Variants in DNAH8 observed in about 807,000 individuals in gnomAD.
DNAH8 encodes dynein axonemal heavy chain 8.
A neutral mutation model predicts 562.1 loss-of-function variants in DNAH8; 382 were observed. The observed-to-expected ratio is 0.68, with a 90% CI of 0.63 to 0.74. The LOEUF (loss-of-function observed/expected upper bound fraction) is 0.74, where lower values mean the gene tolerates loss of function less well. Ranked by LOEUF, DNAH8 falls within the 30% of genes least tolerant of loss-of-function variation. The pLI is 0.00. For missense variants in DNAH8, 5,203 were observed against 5,620.4 expected (o/e 0.93, Z 2.37); for synonymous variants, 1,881 against 1,919.4 (o/e 0.98, Z 0.52).
chr6:38,961,596 A>C (rs1203170368), intron 82 of DNAH8, among the ~76,000 whole-genome samples: 1 of 152,084 alleles, frequency 6.6e-6, no homozygotes, highest in Non-Finnish European at 1.5e-5. Context: ...ACTTCTCCTT[A>C]AGCTATCATA....
At chr6:38,855,779 A>G (rs1419151146) in intron 41 of DNAH8, among the ~76,000 whole-genome samples, 1 of 152,160 alleles carries the variant, frequency 6.6e-6, no homozygotes, top group East Asian at 1.9e-4. Flanking sequence ...TTCATGGGCT[A>G]TTAGAAACTG....
At chr6:38,759,185 G>A (rs925640325) in intron 10 of DNAH8, among the ~76,000 whole-genome samples, 1 of 152,082 alleles carries the variant, frequency 6.6e-6, no homozygotes, top group Admixed American at 6.6e-5. Context: ...GTGTGTGCCT[G>A]TAGTCCTAGC....
chr6:38,886,721 C>G (rs1778952448), intron 56 of DNAH8, 70 bp from the exon 57 acceptor site: 3 of 1,173,236 alleles, frequency 2.6e-6, no homozygotes, highest in Admixed American at 3.4e-5. Context: ...CTCATTTGTA[C>G]TATTTTATTG....
rs1764216876 is a variant in DNAH8 at position 38,737,832 on chromosome 6, A to G, written c.976A>G (p.Thr326Ala). ...AGGTGCTAGAATAAGTATTGAGGGAACAGTGAAGTTAAAGACAATAGACAA... is the reference window on the plus strand; with the variant it reads ...AGGTGCTAGAATAAGTATTGAGGGAGCAGTGAAGTTAAAGACAATAGACAA... ...LDGARISIEG[T>A]VKLKTIDNVN... The change falls in exon 7 of 93, where the codon ACA (threonine) becomes GCA (alanine). Residue 326 changes from threonine to alanine, a missense_variant. By Grantham distance (58) the Thr-to-Ala change is moderately conservative. Coordinates refer to ENST00000327475, the MANE Select transcript of DNAH8 (RefSeq NM_001206927.2). 4.5e-6 allele frequency: 7 copies of G among 1,557,516 alleles called. No homozygotes were observed. The highest frequency in any genetic ancestry group is 2.4e-5 in the South Asian group (2 of 81,788).
At chr6:38,835,877 G>T (rs1395587732) in intron 32 of DNAH8, among the ~76,000 whole-genome samples, 1 of 149,114 alleles carries the variant, frequency 6.7e-6, no homozygotes, top group Non-Finnish European at 1.5e-5. Context: ...AAAATAGTTG[G>T]TTTTTTAAAG....
intron 31 of DNAH8, 22 bp from the exon 32 acceptor site, chr6:38,834,557 G>A: frequency 1.3e-6 from 2 of 1,494,596 alleles, no homozygotes; most frequent in Non-Finnish European, 1.8e-6. Context: ...AATGAAAATG[G>A]AGATTATATT....
chr6:38,798,333 A>G (rs927230219), intron 21 of DNAH8, among the ~76,000 whole-genome samples: 4 of 152,224 alleles, frequency 2.6e-5, no homozygotes, highest in African/African-American at 7.2e-5. Context: ...TTAAAAATCA[A>G]TATAACTGTC....
intron 21 of DNAH8, among the ~76,000 whole-genome samples, chr6:38,796,931 C>T (rs919003538): frequency 2.6e-5 from 4 of 152,162 alleles, no homozygotes; most frequent in African/African-American, 9.7e-5. Context: ...ATTAAATTCT[C>T]TAATTTTATT....
At chr6:38,925,286 ATTATTTTATTTTATTTTATTTTATT>A (rs72056166) in intron 73 of DNAH8, among the ~76,000 whole-genome samples, 10,299 of 129,958 alleles carry the variant, frequency 0.079, 482 homozygotes, top group African/African-American at 0.12. Context: ...TGGATCTCTG[ATTATTTTATTTTATTTTATTTTATT>A]TTATTTTATT....
intron 24 of DNAH8, among the ~76,000 whole-genome samples, chr6:38,808,376 A>C (rs1374229155): frequency 1.3e-5 from 2 of 152,186 alleles, no homozygotes; most frequent in South Asian, 2.1e-4. Flanking sequence ...TCTTGCCAAC[A>C]TACAGGGTGT....
intron 53 of DNAH8, 110 bp downstream of exon 53, chr6:38,875,938 A>G (rs1777960704): frequency 1.4e-6 from 1 of 711,846 alleles, no homozygotes; most frequent in South Asian, 2.0e-5. Flanking sequence ...TGAAAACATA[A>G]TTGTTAATAC....
At chr6:38,930,414 A>AT (rs1782462625) in intron 75 of DNAH8, among the ~76,000 whole-genome samples, 1 of 139,602 alleles carries the variant, frequency 7.2e-6, no homozygotes, top group East Asian at 2.7e-4. Context: ...ATATTTTCTC[A>AT]TTAAATAAAG....
At chr6:38,739,283 A>G (rs1204312227) in intron 7 of DNAH8, among the ~76,000 whole-genome samples, 1 of 152,220 alleles carries the variant, frequency 6.6e-6, no homozygotes, top group Non-Finnish European at 1.5e-5. Context: ...GTAGATAAAT[A>G]TATTAATTAC....
At chr6:38,909,394 A>G in intron 64 of DNAH8, 124 bp from the exon 65 acceptor site, 1 of 782,652 alleles carries the variant, frequency 1.3e-6, no homozygotes, top group South Asian at 1.7e-5. Context: ...ATATGACTGC[A>G]GCCCAAGAAG....
Position 38,789,800 on chromosome 6 carries a change from C to T in DNAH8, c.2584-3C>T, listed in dbSNP as rs373194755. On this transcript the variant is annotated splice_region_variant and splice_polypyrimidine_tract_variant and intron_variant, in intron 18 of 92. Coordinates refer to ENST00000327475, the MANE Select transcript of DNAH8 (RefSeq NM_001206927.2). The stretch of plus-strand genomic sequence containing the variant: ...TAAAACATGCCATTTCAACTTCCTA[C>T]AGGGTCTTCTGCAATATTATGATGA... 1.9e-6 allele frequency: 3 copies of T among 1,600,220 alleles called. No homozygotes were observed. The highest frequency in any genetic ancestry group is 2.6e-6 in the Non-Finnish European group (3 of 1,172,722).
intron 80 of DNAH8, among the ~76,000 whole-genome samples, chr6:38,948,593 C>T (rs1761624144): frequency 6.6e-6 from 1 of 152,188 alleles, no homozygotes; most frequent in Non-Finnish European, 1.5e-5. Flanking sequence ...CCCGCCTCGG[C>T]CTCCCAAAGT....
At chr6:38,902,426 T>G (rs190321480) in intron 62 of DNAH8, among the ~76,000 whole-genome samples, 76 of 152,308 alleles carry the variant, frequency 5.0e-4, no homozygotes, top group Admixed American at 5.0e-3. Flanking sequence ...GGACCACTCC[T>G]ATGCCCCAGA....
chr6:38,859,153 A>G (rs1209217957), intron 42 of DNAH8, among the ~76,000 whole-genome samples: 2 of 152,246 alleles, frequency 1.3e-5, no homozygotes, highest in Admixed American at 6.5e-5. Context: ...CAAGAACTCA[A>G]TAAATATATT....
chr6:38,741,895 G>T lies in DNAH8; in HGVS notation c.1293+8G>T, dbSNP rs754002749. ...CACTCCAAACTGCTAAAGGTAAAAG[G>T]CTTTTTATTTAAAGTTTGGTATACT... On this transcript the variant is annotated splice_region_variant and intron_variant, in intron 8 of 92. Transcript: ENST00000327475. 8.7e-6 allele frequency: 14 copies of T among 1,601,168 alleles called. No homozygotes were observed. Among genetic ancestry groups the T allele is most frequent in the South Asian group, 1.1e-5 (1 of 88,096 alleles).
Sources: gnomAD v4.1 joint callset for allele counts (sites outside exome capture counted in the v4.1 genomes callset) on GRCh38, gnomAD v4.1.1 for gene constraint, MANE v1.5 for transcripts, NCBI Gene and HGNC (gene_info 2026-07-23, HGNC 2026-07-21) for gene names.